OR2L13: variants seen among roughly 807,000 people sequenced by gnomAD.
OR2L13 encodes olfactory receptor family 2 subfamily L member 13.
OR2L13 carries 14 observed loss-of-function variants against 15.3 expected under a neutral mutation model. The observed-to-expected ratio is 0.91, with a 90% confidence interval of 0.60 to 1.43. OR2L13 has a LOEUF of 1.43. Ranked by LOEUF, OR2L13 falls within the 40% of genes most tolerant of loss-of-function variation. The probability of loss-of-function intolerance (pLI) is 0.00; values close to 1 mark genes in which losing one functional copy is unlikely to be tolerated. For synonymous variants in OR2L13, 152 were observed against 142.9 expected, an observed-to-expected ratio of 1.06 and a Z score of -0.45; for missense variants, 367 against 387.9, an observed-to-expected ratio of 0.95 and a Z score of 0.45.
At chr1:248,072,669 C>G in the OR2L13 span, among the ~76,000 whole-genome samples, 1,118 of 152,104 alleles carry the variant, frequency 7.4e-3, 16 homozygotes, top group African/African-American at 0.026. Context: ...GCAAAAGAAA[C>G]TACCATCAGA....
the OR2L13 span, chr1:248,003,708 T>C: frequency 6.2e-7 from 1 of 1,613,342 alleles, no homozygotes; most frequent in Non-Finnish European, 8.5e-7. Context: ...GACACCTGGG[T>C]CTATGAGGGC....
the OR2L13 span, among the ~76,000 whole-genome samples, chr1:248,086,794 A>C: frequency 1.3e-4 from 20 of 151,938 alleles, no homozygotes; most frequent in Non-Finnish European, 2.6e-4. Flanking sequence ...TAAATAAAAC[A>C]TTTTAATACT....
chr1:248,062,299 T>A, the OR2L13 span: 14,361 of 152,278 alleles, frequency 0.094, 729 homozygotes, highest in East Asian at 0.16. Context: ...TAAAAATGAT[T>A]ACATTTAGGT....
the OR2L13 span, among the ~76,000 whole-genome samples, chr1:248,049,817 G>A: frequency 6.6e-6 from 1 of 151,944 alleles, no homozygotes; most frequent in Non-Finnish European, 1.5e-5. Flanking sequence ...AAAATTTTGA[G>A]GGATGAACTA....
At chr1:248,098,268 C>G (rs1328442000) in intron 1 of OR2L13, among the ~76,000 whole-genome samples, 1 of 152,120 alleles carries the variant, frequency 6.6e-6, no homozygotes, top group Non-Finnish European at 1.5e-5. Context: ...TGTTTCATCA[C>G]CAAAGCACAT....
chr1:248,071,862 G>T, the OR2L13 span, among the ~76,000 whole-genome samples: 1 of 151,028 alleles, frequency 6.6e-6, no homozygotes, highest in Non-Finnish European at 1.5e-5. Flanking sequence ...AATCATGAGT[G>T]AACTCCCATT....
chr1:248,078,973 T>C, the OR2L13 span, among the ~76,000 whole-genome samples: 1 of 151,936 alleles, frequency 6.6e-6, no homozygotes, highest in Non-Finnish European at 1.5e-5. Flanking sequence ...CGTTAGGAGG[T>C]TTGGGGAGAA....
At chr1:247,990,551 GGTGTGGGATTCAGA>G in the OR2L13 span, 1 of 1,564,784 alleles carries the variant, frequency 6.4e-7, no homozygotes, top group Non-Finnish European at 8.8e-7. Flanking sequence ...TCCTTCACTG[GGTGTGGGATTCAGA>G]GTTTCTTCTT....
chr1:247,957,648 A>G, the OR2L13 span, among the ~76,000 whole-genome samples: 9 of 152,102 alleles, frequency 5.9e-5, no homozygotes, highest in African/African-American at 9.7e-5. Context: ...CAGAGATTCA[A>G]TTTCTTCCTG....
At chr1:248,095,571 A>G (rs1664713036), upstream of OR2L13, among the ~76,000 whole-genome samples, 1 of 141,062 alleles carries the variant, frequency 7.1e-6, no homozygotes. Context: ...ATTATATGGA[A>G]TGTTTGCAGA....
chr1:248,079,402 C>A, the OR2L13 span, among the ~76,000 whole-genome samples: 2 of 151,954 alleles, frequency 1.3e-5, no homozygotes, highest in Non-Finnish European at 2.9e-5. Flanking sequence ...TTACTGCAAT[C>A]TGAATTTAAA....
chr1:247,949,743 G>C, the OR2L13 span: 14 of 1,613,374 alleles, frequency 8.7e-6, no homozygotes, highest in South Asian at 1.3e-4. Context: ...GAACAAGGAG[G>C]TGATGGGGGC....
chr1:248,020,147 T>C, the OR2L13 span, among the ~76,000 whole-genome samples: 1 of 152,098 alleles, frequency 6.6e-6, no homozygotes, highest in East Asian at 1.9e-4. Context: ...TTGATTACCA[T>C]AGCTTTTGGA....
At chr1:248,011,091 C>T in the OR2L13 span, among the ~76,000 whole-genome samples, 2 of 151,922 alleles carry the variant, frequency 1.3e-5, no homozygotes, top group Admixed American at 6.6e-5. Context: ...GGCTGGTACC[C>T]GTTGTTTCAT....
chr1:248,010,837 A>G, the OR2L13 span, among the ~76,000 whole-genome samples: 5 of 98,526 alleles, frequency 5.1e-5, 1 homozygote, highest in South Asian at 6.9e-4. Flanking sequence ...TTTTGAGTCT[A>G]TGTGTGTCTT....
At chr1:248,090,837 T>C (rs1322549742), upstream of OR2L13, among the ~76,000 whole-genome samples, 3 of 152,178 alleles carry the variant, frequency 2.0e-5, no homozygotes, top group Non-Finnish European at 4.4e-5. Flanking sequence ...GTAGTTCAGT[T>C]TTAAGTTCTT....
At chr1:248,052,592 G>A in the OR2L13 span, among the ~76,000 whole-genome samples, 51 of 152,142 alleles carry the variant, frequency 3.4e-4, 1 homozygote, top group South Asian at 5.0e-3. Flanking sequence ...TTAGCTGGGC[G>A]TGGTGGCGGG....
chr1:248,068,184 G>C, the OR2L13 span, among the ~76,000 whole-genome samples: 1 of 152,188 alleles, frequency 6.6e-6, no homozygotes, highest in Non-Finnish European at 1.5e-5. Flanking sequence ...AGAAAGGGCA[G>C]ACTGCCTCCT....
At chr1:248,065,387 T>A in the OR2L13 span, among the ~76,000 whole-genome samples, 1 of 152,010 alleles carries the variant, frequency 6.6e-6, no homozygotes, top group African/African-American at 2.4e-5. Flanking sequence ...GAGTATTCAT[T>A]CTATTTTGAA....
Sources: allele counts gnomAD v4.1 joint callset (sites outside exome capture counted in the v4.1 genomes callset), GRCh38; gene constraint gnomAD v4.1.1; transcripts MANE v1.5; gene names NCBI Gene and HGNC (gene_info 2026-07-23, HGNC 2026-07-21).